Variants in SEMA6D observed in about 807,000 individuals in gnomAD.
SEMA6D encodes the protein semaphorin-6D.
A neutral mutation model predicts 106.6 loss-of-function variants in SEMA6D; 35 were observed. That is an observed-to-expected ratio of 0.33 (90% CI 0.25 to 0.44). The LOEUF is 0.44. SEMA6D is among the 20% of genes least tolerant of loss of function. The pLI is 1.00. For missense variants in SEMA6D, 1,185 were observed against 1,345.9 expected, an observed-to-expected ratio of 0.88 and a Z score of 1.87; for synonymous variants, 499 against 487.7, an observed-to-expected ratio of 1.02 and a Z score of -0.31.
Position 47,770,991 on chromosome 15 carries a change from C to T in SEMA6D, c.2428C>T (p.Pro810Ser). The change falls in exon 19 of 19, where the codon CCG becomes TCG. Residue 810 changes from proline (P) to serine (S), a missense_variant. Around this residue, in one of 3 missense-constraint regions of SEMA6D, gnomAD observed 750 missense variants for 783.5 expected, o/e 0.96. Coordinates refer to ENST00000536845, the MANE Select transcript of SEMA6D (RefSeq NM_001358351.3). ...ASRKETPQFF[P>S]SSPPPHSPLS... ...AAGGAAAGAAACCCCTCAGTTTTTTCCGTCTAGTCCGCCACCTCATTCCCC... is the reference window on the plus strand; with the variant it reads ...AAGGAAAGAAACCCCTCAGTTTTTTTCGTCTAGTCCGCCACCTCATTCCCC... 1 of 1,614,076 alleles carries T rather than the reference C, an allele frequency of 6.2e-7. No individual in the cohort carries two copies. Among genetic ancestry groups the T allele is most frequent in the Non-Finnish European group, 8.5e-7 (1 of 1,179,980 alleles).
At chr15:47,365,706 G>A (rs1203863897) in intron 1 of SEMA6D, among the ~76,000 whole-genome samples, 2 of 151,230 alleles carry the variant, frequency 1.3e-5, no homozygotes, top group Non-Finnish European at 3.0e-5. Context: ...ACTAAAAATA[G>A]AAAAATTAGC....
At chr15:47,724,091 C>CT (rs2079586109) in intron 1 of SEMA6D, among the ~76,000 whole-genome samples, 5 of 152,164 alleles carry the variant, frequency 3.3e-5, no homozygotes, top group Non-Finnish European at 7.3e-5. Context: ...TCTTTGCAAG[C>CT]ATTTTTTGGT....
At chr15:47,569,731 A>G (rs2142874303) in intron 3 of SEMA6D, among the ~76,000 whole-genome samples, 1 of 152,266 alleles carries the variant, frequency 6.6e-6, no homozygotes, top group Middle Eastern at 3.4e-3. Context: ...TACATAAATT[A>G]ATAATTTAGT....
rs563703316 is a variant in SEMA6D at position 47,745,394 on chromosome 15, G to A, written c.-54-14351G>A. 3.9e-5 allele frequency among the ~76,000 whole-genome samples: 6 copies of A among 152,322 alleles called. No individual in the cohort carries two copies. The South Asian group carries it at 6.2e-4, about 16-fold the overall frequency. ...CACCCAAGGTCAGATCACTGGTTGC[G>A]CAGCAAAGCTGGGGCACCTACCTGG... On this transcript the variant is annotated intron_variant, in intron 1 of 18. Coordinates refer to ENST00000536845, the MANE Select transcript of SEMA6D (RefSeq NM_001358351.3).
intron 1 of SEMA6D, among the ~76,000 whole-genome samples, chr15:47,373,324 G>T (rs1252128653): frequency 1.3e-5 from 2 of 152,166 alleles, no homozygotes; most frequent in Non-Finnish European, 2.9e-5. Flanking sequence ...GTTTCTCAAT[G>T]CTTGTATTTT....
intron 3 of SEMA6D, among the ~76,000 whole-genome samples, chr15:47,492,337 A>G (rs2043500929): frequency 6.6e-6 from 1 of 152,178 alleles, no homozygotes; most frequent in South Asian, 2.1e-4. Flanking sequence ...TGTCTCTACA[A>G]TTCCTGGCAA....
Position 47,508,515 on chromosome 15 carries a change from C to T in SEMA6D, c.-87+37970C>T, listed in dbSNP as rs540228247. On this transcript the variant is annotated intron_variant, in intron 3 of 19. Transcript: ENST00000558014. ...ATGTAATTCACTACTAGAATTATTT[C>T]CCTGCTTAGAATAGTTTATTGGCTC... Among the ~76,000 whole-genome samples, 4 of 152,294 alleles carry T rather than the reference C, an allele frequency of 2.6e-5. 1 individual carries two copies. Among genetic ancestry groups the T allele is most frequent in the African/African-American group, 9.6e-5 (4 of 41,558 alleles).
At chr15:47,444,271 G>T (rs1297333581) in intron 2 of SEMA6D, among the ~76,000 whole-genome samples, 1 of 152,128 alleles carries the variant, frequency 6.6e-6, no homozygotes, top group Non-Finnish European at 1.5e-5. Context: ...CAAATAAGTA[G>T]GACTGACAGG....
chr15:47,416,039 A>G lies in SEMA6D; in HGVS notation c.-159+3567A>G, dbSNP rs80144092. On this transcript the variant is annotated intron_variant, in intron 2 of 19. Coordinates refer to the SEMA6D transcript ENST00000558014. ...ACGTTAACATAATGGATGTGGGTCAAAGAAATTGCCTGACATATGAAATAC... is the reference window on the plus strand; with the variant it reads ...ACGTTAACATAATGGATGTGGGTCAGAGAAATTGCCTGACATATGAAATAC... 5.5e-3 allele frequency among the ~76,000 whole-genome samples: 840 copies of G among 152,258 alleles called. 6 individuals are homozygous for G. The highest frequency in any genetic ancestry group is 0.019 in the African/African-American group (798 of 41,554).
At chr15:47,189,152 T>C (rs753044663) in intron 1 of SEMA6D, among the ~76,000 whole-genome samples, 42 of 152,236 alleles carry the variant, frequency 2.8e-4, no homozygotes, top group Non-Finnish European at 5.6e-4. Context: ...CACTTCTCTT[T>C]CCCTTTCTCT....
intron 1 of SEMA6D, among the ~76,000 whole-genome samples, chr15:47,721,889 T>A (rs1340500010): frequency 2.0e-5 from 3 of 152,102 alleles, no homozygotes; most frequent in Non-Finnish European, 4.4e-5. Flanking sequence ...CATCATCCTG[T>A]CCTTGGCTAC....
At chr15:47,768,859 G>T in intron 18 of SEMA6D, 111 bp downstream of exon 18, 1 of 963,096 alleles carries the variant, frequency 1.0e-6, no homozygotes, top group Non-Finnish European at 1.5e-6. Flanking sequence ...TTCTGCGGTT[G>T]TACCTCCACC....
At chr15:47,563,803 A>G (rs2046148755) in intron 3 of SEMA6D, among the ~76,000 whole-genome samples, 1 of 152,228 alleles carries the variant, frequency 6.6e-6, no homozygotes. Flanking sequence ...AAAGCATCAC[A>G]TTTACATAGG....
chr15:47,664,565 C>T (rs1429223280), intron 4 of SEMA6D, among the ~76,000 whole-genome samples: 2 of 152,236 alleles, frequency 1.3e-5, no homozygotes, highest in South Asian at 4.1e-4. Flanking sequence ...GACCGTCCCT[C>T]CTCACTGGGG....
intron 1 of SEMA6D, among the ~76,000 whole-genome samples, chr15:47,738,008 A>G (rs1433123305): frequency 6.6e-6 from 1 of 151,432 alleles, no homozygotes; most frequent in Non-Finnish European, 1.5e-5. Context: ...TTGCATTTCT[A>G]GTATTGCTAT....
intron 1 of SEMA6D, among the ~76,000 whole-genome samples, chr15:47,387,271 C>T (rs1247467168): frequency 1.3e-5 from 2 of 152,174 alleles, no homozygotes; most frequent in African/African-American, 4.8e-5. Flanking sequence ...CCTTGTTATT[C>T]CATTTTACTG....
rs781633373 is a variant in SEMA6D, at chr15:47,761,727, C to G, written c.514C>G (p.Gln172Glu). Residue 172 changes from glutamine to glutamate, a missense_variant, in exon 7 of 19, where the codon CAA (glutamine) becomes GAA (glutamate). This residue lies in a region of SEMA6D where 291 missense variants were observed against 423.8 expected (regional missense o/e 0.69). Transcript: ENST00000536845. ...GGCAAGATGCCCATTTGATGCCAGA[C>G]AAACCAATGTTGCCCTCTTTGCTGG... ...GLARCPFDAR[Q>E]TNVALFADGK... 4.3e-6 allele frequency: 7 copies of G among 1,613,044 alleles called. No individual in the cohort carries two copies. The Admixed American group carries it at 1.0e-4, about 23-fold the overall frequency.
intron 1 of SEMA6D, among the ~76,000 whole-genome samples, chr15:47,289,697 C>T (rs2035521995): frequency 1.3e-5 from 2 of 151,890 alleles, no homozygotes; most frequent in Admixed American, 6.6e-5. Flanking sequence ...CCAGATATTA[C>T]AGAAAATACT....
rs189179127 is a variant in SEMA6D, at chr15:47,278,552, A to G, written c.-239+94134A>G. Among the ~76,000 whole-genome samples, 306 of 152,084 alleles carry G rather than the reference A, an allele frequency of 2.0e-3. 2 individuals carry two copies. Among genetic ancestry groups the G allele is most frequent in the African/African-American group, 6.9e-3 (286 of 41,478 alleles). On this transcript the variant is annotated intron_variant, in intron 1 of 19. Coordinates refer to the SEMA6D transcript ENST00000558014. Reference sequence around the variant, plus strand: ...GAGTAGGTTGCGAAAATTTTCTCCCATTTTGTAGGTTGCCTGTTCAATCTG... The same window carrying G: ...GAGTAGGTTGCGAAAATTTTCTCCCGTTTTGTAGGTTGCCTGTTCAATCTG...
Sources: gnomAD v4.1 joint callset for allele counts (sites outside exome capture counted in the v4.1 genomes callset) on GRCh38, gnomAD v4.1.1 for gene constraint, gnomAD v4.1.1 regional missense constraint, MANE v1.5 for transcripts, NCBI Gene and HGNC (gene_info 2026-07-23, HGNC 2026-07-21) for gene names.